The following RAB38 variants were observed in gnomAD, a reference collection of about 807,000 sequenced individuals.
The protein encoded by RAB38 is RAB38, member RAS oncogene family, also known as ras-related protein Rab-38.
Under a neutral mutation model 18.4 loss-of-function variants are expected in RAB38, and 15 were observed. That is an observed-to-expected ratio of 0.82 (90% CI 0.55 to 1.26). The LOEUF (loss-of-function observed/expected upper bound fraction) is 1.26, where lower values mean the gene tolerates loss of function less well. RAB38 is among the 50% of genes most tolerant of loss of function. The probability of loss-of-function intolerance (pLI) is 0.00; values close to 1 mark genes in which losing one functional copy is unlikely to be tolerated. For synonymous variants in RAB38, 101 were observed against 104.4 expected (o/e 0.97, Z 0.20); for missense variants, 294 against 267.4 (o/e 1.10, Z -0.69).
chr11:87,905,049 GTT>G, the RAB38 span, among the ~76,000 whole-genome samples: 1 of 151,600 alleles, frequency 6.6e-6, no homozygotes, highest in South Asian at 2.1e-4. Flanking sequence ...TCGTTTCACA[GTT>G]TATTGAGAGT....
chr11:88,065,119 C>T, the RAB38 span, among the ~76,000 whole-genome samples: 1 of 152,214 alleles, frequency 6.6e-6, no homozygotes, highest in Admixed American at 6.6e-5. Flanking sequence ...GCATTTCCCT[C>T]ACAGATCCAA....
chr11:87,942,965 A>T, the RAB38 span, among the ~76,000 whole-genome samples: 1 of 152,174 alleles, frequency 6.6e-6, no homozygotes, highest in Non-Finnish European at 1.5e-5. Context: ...AATGCAGGGA[A>T]CCTGGGAACT....
chr11:87,843,315 A>G, the RAB38 span, among the ~76,000 whole-genome samples: 1 of 152,216 alleles, frequency 6.6e-6, no homozygotes, highest in African/African-American at 2.4e-5. Flanking sequence ...ATCTTCTGAC[A>G]GAATTACTTT....
intron 2 of RAB38, among the ~76,000 whole-genome samples, chr11:88,123,309 GGCACTCAGAAGACATACAGAC>G (rs1453677780): frequency 6.6e-4 from 101 of 152,224 alleles, no homozygotes; most frequent in African/African-American, 2.1e-3. Flanking sequence ...ACAAACAGTA[GGCACTCAGAAGACATACAGAC>G]TAAGCGAATG....
At chr11:87,957,595 G>T in the RAB38 span, among the ~76,000 whole-genome samples, 1 of 152,104 alleles carries the variant, frequency 6.6e-6, no homozygotes, top group African/African-American at 2.4e-5. Flanking sequence ...TTATTCTTGG[G>T]CTCTCTATGT....
the RAB38 span, among the ~76,000 whole-genome samples, chr11:88,088,789 A>C: frequency 6.6e-6 from 1 of 151,922 alleles, no homozygotes; most frequent in Non-Finnish European, 1.5e-5. Flanking sequence ...GAGAGTCAAA[A>C]TGTAAAAGCC....
the RAB38 span, among the ~76,000 whole-genome samples, chr11:87,950,720 C>G: frequency 6.6e-6 from 1 of 152,222 alleles, no homozygotes; most frequent in Non-Finnish European, 1.5e-5. Context: ...GGCCCCCACT[C>G]TCTTCTGGCT....
chr11:88,041,623 GT>G, the RAB38 span, among the ~76,000 whole-genome samples: 60 of 152,290 alleles, frequency 3.9e-4, no homozygotes, highest in African/African-American at 1.4e-3. Context: ...AGATCAGTTG[GT>G]TGTTGATGCT....
chr11:88,046,227 G>T, the RAB38 span, among the ~76,000 whole-genome samples: 1 of 152,230 alleles, frequency 6.6e-6, no homozygotes, highest in Non-Finnish European at 1.5e-5. Context: ...TCACTGGCCT[G>T]CTACAGCATG....
At chr11:87,905,366 C>G in the RAB38 span, among the ~76,000 whole-genome samples, 14 of 136,310 alleles carry the variant, frequency 1.0e-4, no homozygotes, top group Non-Finnish European at 1.8e-4. Flanking sequence ...TTTTGATTGA[C>G]TTTTCTCATA....
chr11:87,943,282 T>C, the RAB38 span, among the ~76,000 whole-genome samples: 1 of 152,130 alleles, frequency 6.6e-6, no homozygotes, highest in East Asian at 1.9e-4. Flanking sequence ...GACAAATAGA[T>C]AATTTAAATT....
the RAB38 span, among the ~76,000 whole-genome samples, chr11:87,829,487 T>C: frequency 1.3e-5 from 2 of 152,098 alleles, no homozygotes; most frequent in Non-Finnish European, 1.5e-5. Flanking sequence ...AGGCAAGTCT[T>C]ACATGGTGGC....
At chr11:88,109,621 A>G (rs1279023782), downstream of RAB38, among the ~76,000 whole-genome samples, 1 of 152,226 alleles carries the variant, frequency 6.6e-6, no homozygotes, top group African/African-American at 2.4e-5. Context: ...CAATTTATCC[A>G]TCTGACAAAG....
the RAB38 span, among the ~76,000 whole-genome samples, chr11:88,034,602 T>C: frequency 6.6e-6 from 1 of 152,250 alleles, no homozygotes; most frequent in African/African-American, 2.4e-5. Flanking sequence ...TGGCTACTGA[T>C]GTTGAACATA....
At chr11:88,036,573 CTT>C in the RAB38 span, among the ~76,000 whole-genome samples, 1 of 151,906 alleles carries the variant, frequency 6.6e-6, no homozygotes, top group Non-Finnish European at 1.5e-5. Flanking sequence ...TGTGCATTTC[CTT>C]TTTTCTTAGA....
At chr11:88,150,743 C>A (rs1025730394) in intron 1 of RAB38, among the ~76,000 whole-genome samples, 1 of 152,274 alleles carries the variant, frequency 6.6e-6, no homozygotes, top group South Asian at 2.1e-4. Context: ...ATAATTCAAA[C>A]CTGAGCTGTT....
At chr11:88,026,175 G>C in the RAB38 span, among the ~76,000 whole-genome samples, 3 of 152,046 alleles carry the variant, frequency 2.0e-5, no homozygotes, top group Non-Finnish European at 4.4e-5. Flanking sequence ...ATGTTGGTCA[G>C]ACTGGTCTTA....
At chr11:88,098,389 T>C in the RAB38 span, among the ~76,000 whole-genome samples, 1 of 151,980 alleles carries the variant, frequency 6.6e-6, no homozygotes, top group East Asian at 1.9e-4. Context: ...GCAGGTTTGC[T>C]ATGCCAACTA....
chr11:88,109,505 GC>G (rs1329719799), downstream of RAB38, among the ~76,000 whole-genome samples: 1 of 152,106 alleles, frequency 6.6e-6, no homozygotes, highest in Non-Finnish European at 1.5e-5. Flanking sequence ...GGCAACAAAA[GC>G]CAAAATTGAC....
Sources: allele counts gnomAD v4.1 joint callset (sites outside exome capture counted in the v4.1 genomes callset), GRCh38; gene constraint gnomAD v4.1.1; transcripts MANE v1.5; gene names NCBI Gene and HGNC (gene_info 2026-07-23, HGNC 2026-07-21).